The following LMO7 variants were observed in gnomAD, a reference collection of about 807,000 sequenced individuals.
LMO7 encodes the protein LIM domain only protein 7.
In LMO7, 120 loss-of-function variants were observed where a neutral mutation model predicts 206.5. That is an observed-to-expected ratio of 0.58 (90% CI 0.50 to 0.68). The LOEUF (loss-of-function observed/expected upper bound fraction) is 0.68. Ranked by LOEUF, LMO7 falls within the 30% of genes least tolerant of loss-of-function variation. LMO7 has a pLI of 0.00. For synonymous variants in LMO7, 706 were observed against 681.5 expected (o/e 1.04, Z -0.56); for missense variants, 1,959 against 1,957.9 (o/e 1.00, Z -0.01).
At chr13:75,820,653 TAAAG>T (rs1269488630) in intron 13 of LMO7, among the ~76,000 whole-genome samples, 2 of 152,248 alleles carry the variant, frequency 1.3e-5, no homozygotes, top group South Asian at 2.1e-4. Flanking sequence ...CCATTTTAAT[TAAAG>T]AAGTCAAGTT....
In LMO7 at chr13:75,807,576, CAT is replaced by C; in HGVS notation, c.1295_1296del (p.Ile432AsnfsTer13). The C allele has an allele frequency of 6.2e-7, 1 of 1,613,978 alleles. No homozygotes were observed. The highest frequency in any genetic ancestry group is 8.5e-7 in the Non-Finnish European group (1 of 1,179,878). On this transcript the variant is annotated frameshift_variant, in exon 10 of 31. Coordinates refer to ENST00000377534, the MANE Select transcript of LMO7 (RefSeq NM_001306080.2). LOFTEE classifies it high-confidence loss of function. ...KIDPTSGPRL[I>X]TRRKNLSYAP... ...TTGATCCCACTTCTGGCCCAAGGCT[CAT>C]AACCCGCAGGAAGAATCTCTCTTAT... is the stretch of plus-strand genomic sequence containing the variant.
intron 3 of LMO7, among the ~76,000 whole-genome samples, chr13:75,753,176 G>T (rs2047405557): frequency 6.6e-6 from 1 of 152,122 alleles, no homozygotes; most frequent in Non-Finnish European, 1.5e-5. Flanking sequence ...TCTCTGACTA[G>T]TAATGTTGAA....
chr13:75,772,627 A>T (rs2049909377), intron 4 of LMO7, among the ~76,000 whole-genome samples: 1 of 152,142 alleles, frequency 6.6e-6, no homozygotes, highest in Admixed American at 6.6e-5. Flanking sequence ...TGTTTCTCTT[A>T]TAAAATTGTC....
chr13:75,647,497 G>A (rs1366536916), intron 1 of LMO7, among the ~76,000 whole-genome samples: 1 of 152,134 alleles, frequency 6.6e-6, no homozygotes, highest in African/African-American at 2.4e-5. Context: ...ATAAAAGAAA[G>A]TCCAAGCAAA....
At chr13:75,746,387 C>T (rs2046839484) in intron 3 of LMO7, among the ~76,000 whole-genome samples, 1 of 152,178 alleles carries the variant, frequency 6.6e-6, no homozygotes, top group Non-Finnish European at 1.5e-5. Flanking sequence ...CACTGGAAGC[C>T]AGCCTTGTTC....
intron 3 of LMO7, among the ~76,000 whole-genome samples, chr13:75,750,517 G>A (rs2047191822): frequency 6.6e-6 from 1 of 151,308 alleles, no homozygotes; most frequent in Admixed American, 6.6e-5. Context: ...AGCCTCCCAA[G>A]TAGCTAGGAC....
At chr13:75,727,410 T>A (rs1192996022) in intron 3 of LMO7, among the ~76,000 whole-genome samples, 1 of 151,974 alleles carries the variant, frequency 6.6e-6, no homozygotes, top group African/African-American at 2.4e-5. Context: ...AATTGCTAAT[T>A]TTAAAAATGA....
At chr13:75,633,400 G>C (rs2035255309), upstream of LMO7, among the ~76,000 whole-genome samples, 1 of 152,128 alleles carries the variant, frequency 6.6e-6, no homozygotes, top group Non-Finnish European at 1.5e-5. Context: ...GAACAAAAAT[G>C]AGCCTAACAA....
intron 2 of LMO7, among the ~76,000 whole-genome samples, chr13:75,720,738 C>T (rs1480253125): frequency 2.0e-5 from 3 of 152,194 alleles, no homozygotes; most frequent in South Asian, 2.1e-4. Flanking sequence ...CTATAAATTA[C>T]ATTGGTACTG....
chr13:75,814,794 A>G (rs2056804467), intron 11 of LMO7, among the ~76,000 whole-genome samples: 1 of 152,148 alleles, frequency 6.6e-6, no homozygotes, highest in African/African-American at 2.4e-5. Flanking sequence ...CACAGAGGGC[A>G]CATTTAAGCA....
chr13:75,763,010 C>T (rs1424079980), intron 4 of LMO7, among the ~76,000 whole-genome samples: 1 of 152,180 alleles, frequency 6.6e-6, no homozygotes, highest in Admixed American at 6.5e-5. Flanking sequence ...TAATTGCTCA[C>T]TAAATAGTAA....
chr13:75,799,448 T>TC (rs201473582), intron 6 of LMO7, among the ~76,000 whole-genome samples: 2,603 of 152,306 alleles, frequency 0.017, 25 homozygotes, highest in Middle Eastern at 0.041. Context: ...GATGTATTTC[T>TC]CCCCCAAATA....
At chr13:75,735,097 CAAA>C (rs757001691) in intron 3 of LMO7, among the ~76,000 whole-genome samples, 2 of 102,214 alleles carry the variant, frequency 2.0e-5, no homozygotes, top group African/African-American at 7.5e-5. Context: ...GACTCCGTCT[CAAA>C]AAAAAAAAAA....
At chr13:75,782,230 C>T (rs943001668) in intron 4 of LMO7, among the ~76,000 whole-genome samples, 8 of 152,186 alleles carry the variant, frequency 5.3e-5, no homozygotes, top group Non-Finnish European at 8.8e-5. Flanking sequence ...ATGAGCTTCA[C>T]TGTCATAAAC....
intron 4 of LMO7, among the ~76,000 whole-genome samples, chr13:75,782,915 A>G (rs1158421499): frequency 6.6e-6 from 1 of 152,206 alleles, no homozygotes; most frequent in Non-Finnish European, 1.5e-5. Context: ...CACATTTGTA[A>G]AGTCCTTTTT....
At chr13:75,716,970 T>C (rs1044211522) in intron 2 of LMO7, among the ~76,000 whole-genome samples, 1 of 151,228 alleles carries the variant, frequency 6.6e-6, no homozygotes, top group Non-Finnish European at 1.5e-5. Flanking sequence ...CAGTGGTTAG[T>C]CAGTCTGTAC....
chr13:75,736,081 T>C (rs1186365505), intron 3 of LMO7, among the ~76,000 whole-genome samples: 9 of 152,244 alleles, frequency 5.9e-5, no homozygotes, highest in Admixed American at 5.2e-4. Context: ...CGTATGATTA[T>C]ATGAAAGCAC....
chr13:75,691,741 A>G (rs2041493687), intron 1 of LMO7, among the ~76,000 whole-genome samples: 1 of 152,148 alleles, frequency 6.6e-6, no homozygotes, highest in Non-Finnish European at 1.5e-5. Flanking sequence ...ACATGGAAAT[A>G]TCTATGCTTA....
chr13:75,750,587 G>A (rs2047199019), intron 3 of LMO7, among the ~76,000 whole-genome samples: 1 of 151,984 alleles, frequency 6.6e-6, no homozygotes, highest in Non-Finnish European at 1.5e-5. Flanking sequence ...GAGAGACAGG[G>A]TCTGACTATG....
Sources: gnomAD v4.1 joint callset for allele counts (sites outside exome capture counted in the v4.1 genomes callset) on GRCh38, gnomAD v4.1.1 for gene constraint, MANE v1.5 for transcripts, NCBI Gene and HGNC (gene_info 2026-07-23, HGNC 2026-07-21) for gene names.